PAM: variants seen among roughly 807,000 people sequenced by gnomAD.
PAM encodes the protein peptidylglycine alpha-amidating monooxygenase.
Under a neutral mutation model 122.1 loss-of-function variants are expected in PAM, and 72 were observed. The ratio of observed to expected loss-of-function variants is 0.59; its 90% CI spans 0.49 to 0.72. The LOEUF (loss-of-function observed/expected upper bound fraction) is 0.72, where lower values mean the gene tolerates loss of function less well. Among genes scored for constraint, PAM ranks in the 30% least tolerant of loss-of-function variants. PAM has a pLI of 0.00. For synonymous variants in PAM, 389 were observed against 404.4 expected (o/e 0.96, Z 0.46); for missense variants, 1,106 against 1,183.7 (o/e 0.93, Z 0.96).
chr5:102,948,329 C>A, intron 8 of PAM, 49 bp from the exon 9 acceptor site: 1 of 1,020,892 alleles, frequency 9.8e-7, no homozygotes, highest in South Asian at 1.3e-5. Context: ...CCAAAACAGT[C>A]ATTTTGACTT....
chr5:102,794,987 G>A (rs534611643), intron 1 of PAM, among the ~76,000 whole-genome samples: 2 of 151,630 alleles, frequency 1.3e-5, no homozygotes, highest in South Asian at 4.2e-4. Flanking sequence ...CCCAGGAGTT[G>A]GAGACCAGCC....
intron 3 of PAM, among the ~76,000 whole-genome samples, chr5:102,893,761 G>A (rs1200564656): frequency 6.6e-6 from 1 of 151,690 alleles, no homozygotes; most frequent in Admixed American, 6.6e-5. Flanking sequence ...TTCCAGGGTT[G>A]GAAGTCAACA....
chr5:102,789,147 A>G (rs1047094930), intron 1 of PAM, among the ~76,000 whole-genome samples: 1 of 152,128 alleles, frequency 6.6e-6, no homozygotes, highest in African/African-American at 2.4e-5. Context: ...GGTGAAAGAT[A>G]ATGAAATAGA....
Position 102,860,696 on chromosome 5 carries a change from A to AT in PAM, c.-373-5127_-373-5126insT, listed in dbSNP as rs1380886953. On this transcript the variant is annotated intron_variant, in intron 1 of 25. Transcript: ENST00000438793. ...GCGTGAGACCCTGTCTCAAAAAAAA[A>AT]AATAATAAAATAACCGCTTCACCAA... Among the ~76,000 whole-genome samples the AT allele has an allele frequency of 9.9e-5, 15 of 152,128 alleles. No homozygotes were observed. In the East Asian group the frequency reaches 2.9e-3, roughly 29 times the overall value.
At chr5:102,769,709 A>G (rs1045207980) in intron 1 of PAM, among the ~76,000 whole-genome samples, 51 of 152,110 alleles carry the variant, frequency 3.4e-4, no homozygotes, top group African/African-American at 1.0e-3. Context: ...CCCTCTGTCT[A>G]TGTGTCTGTG....
intron 16 of PAM, among the ~76,000 whole-genome samples, chr5:103,000,822 C>T (rs1210285579): frequency 6.6e-6 from 1 of 152,088 alleles, no homozygotes; most frequent in Admixed American, 6.6e-5. Context: ...AAGGGGGTAA[C>T]CACCCCATGA....
chr5:102,946,702 A>G lies in PAM; in HGVS notation c.527-135A>G, dbSNP rs1044935664. The stretch of plus-strand genomic sequence containing the variant: ...TACTGGATATGAAAGTACTTAGTAA[A>G]TCATAAAGAACCATACAGATGAAAC... On this transcript the variant is annotated intron_variant, in intron 7 of 25. Coordinates refer to ENST00000438793, the MANE Select transcript of PAM (RefSeq NM_001177306.2). The G allele has an allele frequency of 3.5e-5, 22 of 634,222 alleles. No individual in the cohort carries two copies. In the South Asian group the frequency reaches 4.1e-4, roughly 12 times the overall value. The allele number at this position is 634,222 out of a possible 1,614,324, so 39.3% of individuals were successfully genotyped here. A position where few individuals can be genotyped will look rare whatever the true frequency, so the allele number is the denominator to read the frequency against.
At chr5:102,852,084 A>G (rs1781474060) in intron 1 of PAM, among the ~76,000 whole-genome samples, 1 of 152,214 alleles carries the variant, frequency 6.6e-6, no homozygotes, top group African/African-American at 2.4e-5. Flanking sequence ...ATTGGTATCT[A>G]TCCCTGAATC....
At chr5:103,026,895 G>A (rs1002257361) in intron 24 of PAM, among the ~76,000 whole-genome samples, 2 of 152,144 alleles carry the variant, frequency 1.3e-5, no homozygotes, top group Non-Finnish European at 2.9e-5. Context: ...CAGTGGCTAG[G>A]GAATAAGGAA....
At chr5:102,808,233 T>C (rs1766786171) in intron 1 of PAM, 2 of 152,380 alleles carry the variant, frequency 1.3e-5, no homozygotes, top group South Asian at 2.1e-4. Flanking sequence ...CAATGGAAGG[T>C]AAGTGCCTTG....
chr5:102,948,278 C>G, intron 8 of PAM, 100 bp from the exon 9 acceptor site: 1 of 605,202 alleles, frequency 1.7e-6, no homozygotes, highest in African/African-American at 1.9e-5. Context: ...TCAAAAGCAT[C>G]ACATTTTATA....
chr5:102,780,059 A>G (rs1758309401), intron 1 of PAM, among the ~76,000 whole-genome samples: 1 of 151,740 alleles, frequency 6.6e-6, no homozygotes, highest in African/African-American at 2.4e-5. Flanking sequence ...ATTGTACACC[A>G]TTCTGAATAG....
chr5:102,772,008 C>T (rs114037764), intron 1 of PAM, among the ~76,000 whole-genome samples: 20 of 152,226 alleles, frequency 1.3e-4, no homozygotes, highest in African/African-American at 4.8e-4. Context: ...TGGCATTAGA[C>T]ATTTGGGTCA....
chr5:102,832,891 TTC>T (rs1298734313), intron 1 of PAM, among the ~76,000 whole-genome samples: 2 of 152,186 alleles, frequency 1.3e-5, no homozygotes, highest in African/African-American at 4.8e-5. Flanking sequence ...TTGAAATCTT[TTC>T]TTAGAGACTT....
chr5:102,851,479 A>C (rs1781345803), intron 1 of PAM, among the ~76,000 whole-genome samples: 1 of 152,190 alleles, frequency 6.6e-6, no homozygotes, highest in Admixed American at 6.5e-5. Flanking sequence ...AAAATTTATC[A>C]TAAATTTTAT....
In PAM at chr5:102,822,864, T is replaced by C. The variant is rs150084573; in HGVS notation, c.-373-42959T>C. On this transcript the variant is annotated intron_variant, in intron 1 of 25. Coordinates refer to ENST00000438793, the MANE Select transcript of PAM (RefSeq NM_001177306.2). ...TCACCTGCCCTGGCACACACTCACCTTGACCCATACACAGACTCCTGCTAC... is the reference window on the plus strand; with the variant it reads ...TCACCTGCCCTGGCACACACTCACCCTGACCCATACACAGACTCCTGCTAC... Among the ~76,000 whole-genome samples the C allele has an allele frequency of 1.4e-4, 22 of 151,870 alleles. No homozygotes were observed. In the East Asian group the frequency reaches 4.3e-3, roughly 30 times the overall value.
intron 24 of PAM, among the ~76,000 whole-genome samples, chr5:103,026,696 A>C (rs2151385103): frequency 6.6e-6 from 1 of 152,300 alleles, no homozygotes; most frequent in East Asian, 1.9e-4. Flanking sequence ...GGTTTAATAA[A>C]TTGTTGTTGA....
intron 3 of PAM, among the ~76,000 whole-genome samples, chr5:102,874,095 G>A (rs1788389938): frequency 6.6e-6 from 1 of 152,166 alleles, no homozygotes; most frequent in East Asian, 1.9e-4. Context: ...CAATGGGAAA[G>A]CTAATAGCAA....
intron 1 of PAM, among the ~76,000 whole-genome samples, chr5:102,789,000 T>C (rs1405464800): frequency 2.0e-5 from 3 of 152,126 alleles, no homozygotes; most frequent in Non-Finnish European, 4.4e-5. Context: ...TGGAAGAGTA[T>C]TTATGGATGA....
Sources: allele counts gnomAD v4.1 joint callset (sites outside exome capture counted in the v4.1 genomes callset), GRCh38; gene constraint gnomAD v4.1.1; transcripts MANE v1.5; gene names NCBI Gene and HGNC (gene_info 2026-07-23, HGNC 2026-07-21).